The following RASGRP3 variants were observed in gnomAD, a reference collection of about 807,000 sequenced individuals.
The protein encoded by RASGRP3 is RAS guanyl releasing protein 3.
A neutral mutation model predicts 82.7 loss-of-function variants in RASGRP3; 54 were observed. That is an observed-to-expected ratio of 0.65 (90% confidence interval 0.52 to 0.82). RASGRP3 has a LOEUF of 0.82. Among genes scored for constraint, RASGRP3 ranks in the 40% least tolerant of loss-of-function variants. The pLI is 0.00. For synonymous variants in RASGRP3, 309 were observed against 300.5 expected (o/e 1.03, Z -0.29); for missense variants, 861 against 828.9 (o/e 1.04, Z -0.48).
At chr2:33,545,709 TG>T (rs1674665562) in intron 13 of RASGRP3, among the ~76,000 whole-genome samples, 2 of 152,280 alleles carry the variant, frequency 1.3e-5, no homozygotes, top group Admixed American at 1.3e-4. Context: ...AATAAGCATA[TG>T]AAAAAAAGCT....
At chr2:33,519,778 C>A (rs1671840135) in intron 4 of RASGRP3, among the ~76,000 whole-genome samples, 174 bp from the exon 5 acceptor site, 1 of 152,112 alleles carries the variant, frequency 6.6e-6, no homozygotes, top group Non-Finnish European at 1.5e-5. Flanking sequence ...TATAATAAAT[C>A]AAGTTTCAAT....
intron 2 of RASGRP3, among the ~76,000 whole-genome samples, chr2:33,470,628 C>T (rs1667002733): frequency 6.6e-6 from 1 of 152,132 alleles, no homozygotes; most frequent in Non-Finnish European, 1.5e-5. Context: ...ATCCACCCTC[C>T]TCGGCCTCCC....
chr2:33,559,664 T>C (rs1164218078), intron 17 of RASGRP3: 2 of 517,534 alleles, frequency 3.9e-6, no homozygotes, highest in South Asian at 1.4e-5. Flanking sequence ...TAACAGTCTA[T>C]AGTGTATTAA....
intron 2 of RASGRP3, among the ~76,000 whole-genome samples, chr2:33,463,743 G>A (rs1666513061): frequency 6.6e-6 from 1 of 151,922 alleles, no homozygotes; most frequent in African/African-American, 2.4e-5. Flanking sequence ...GGGATTACAG[G>A]TGCCTGCCGC....
At position 33,516,521 on chromosome 2, in the gene RASGRP3, CTT is replaced by C; in HGVS notation, c.71-20_71-19del. ...GAATAGCACTATTATCTCCTCACTT[CTT>C]GTTTTATTTTTCTAACAGATGACAA... is the stretch of plus-strand genomic sequence containing the variant. On this transcript the variant is annotated intron_variant, in intron 3 of 17. Transcript: ENST00000403687. The C allele has an allele frequency of 6.8e-7, 1 of 1,473,304 alleles. No individual in the cohort carries two copies. The highest frequency in any genetic ancestry group is 9.4e-7 in the Non-Finnish European group (1 of 1,068,106). The allele number at this position is 1,473,304 out of a possible 1,614,324, so 91.3% of individuals were successfully genotyped here.
At chr2:33,487,416 G>T (rs1219718217) in intron 1 of RASGRP3, among the ~76,000 whole-genome samples, 4 of 152,208 alleles carry the variant, frequency 2.6e-5, no homozygotes, top group Non-Finnish European at 4.4e-5. Context: ...TGTTTAAAAG[G>T]TAAAGTTGAT....
intron 1 of RASGRP3, among the ~76,000 whole-genome samples, chr2:33,491,210 G>C (rs935996738): frequency 2.0e-5 from 3 of 152,098 alleles, no homozygotes; most frequent in African/African-American, 7.2e-5. Flanking sequence ...CAGCTATTTG[G>C]GGGGCTGAGG....
At position 33,564,301 on chromosome 2, in the gene RASGRP3, T is replaced by A. The variant is rs1034879192; in HGVS notation, c.*1564T>A. On this transcript the variant is annotated 3_prime_UTR_variant, in exon 18 of 18. Transcript: ENST00000403687. ...TAAAACCAACTTGTGCCAACCAGATTTACAGATTGGAAATACTGCAGATGA... is the reference window on the plus strand; with the variant it reads ...TAAAACCAACTTGTGCCAACCAGATATACAGATTGGAAATACTGCAGATGA... The A allele has an allele frequency of 2.6e-5, 4 of 152,140 alleles. No homozygotes were observed. Among genetic ancestry groups the A allele is most frequent in the Non-Finnish European group, 4.4e-5 (3 of 68,026 alleles). The allele number at this position is 152,140 out of a possible 1,614,324, so 9.4% of individuals were successfully genotyped here.
At chr2:33,443,662 C>G (rs1371670097) in intron 1 of RASGRP3, among the ~76,000 whole-genome samples, 1 of 146,250 alleles carries the variant, frequency 6.8e-6, no homozygotes, top group Non-Finnish European at 1.5e-5. Context: ...TGGAAGATCA[C>G]TTGAACCCAG....
At chr2:33,496,569 G>T (rs1669331245) in intron 1 of RASGRP3, among the ~76,000 whole-genome samples, 2 of 152,150 alleles carry the variant, frequency 1.3e-5, no homozygotes, top group South Asian at 4.1e-4. Context: ...AAAAATAAAT[G>T]TTTGGGCTGG....
chr2:33,462,707 G>A (rs191941966), intron 2 of RASGRP3, among the ~76,000 whole-genome samples: 1 of 152,276 alleles, frequency 6.6e-6, no homozygotes, highest in East Asian at 1.9e-4. Context: ...CACTTTTCCT[G>A]TGATTCTCAC....
intron 1 of RASGRP3, among the ~76,000 whole-genome samples, chr2:33,439,441 G>A (rs1665104185): frequency 6.6e-6 from 1 of 152,152 alleles, no homozygotes; most frequent in Admixed American, 6.6e-5. Flanking sequence ...GCAGAGACAG[G>A]AATGGCCTTC....
intron 2 of RASGRP3, among the ~76,000 whole-genome samples, chr2:33,512,847 C>A (rs1671064418): frequency 6.6e-6 from 1 of 152,074 alleles, no homozygotes; most frequent in Admixed American, 6.6e-5. Flanking sequence ...ACACAAAAAT[C>A]CCTACAATCT....
At chr2:33,442,247 CCA>C (rs1343746853) in intron 1 of RASGRP3, among the ~76,000 whole-genome samples, 1 of 152,190 alleles carries the variant, frequency 6.6e-6, no homozygotes, top group Non-Finnish European at 1.5e-5. Context: ...GCCTGTAGTC[CCA>C]GCTACTCAGG....
chr2:33,483,347 T>C (rs1378725), intron 1 of RASGRP3, among the ~76,000 whole-genome samples: 22,223 of 152,156 alleles, frequency 0.15, 1,881 homozygotes, highest in African/African-American at 0.23. Context: ...GTTGATTTGC[T>C]AAAGTATTAT....
In RASGRP3 at chr2:33,488,242, T is replaced by A. The variant is rs116466075; in HGVS notation, c.-261+11535T>A. Among the ~76,000 whole-genome samples the A allele has an allele frequency of 1.8e-3, 281 of 152,290 alleles. 2 individuals carry two copies. The highest frequency in any genetic ancestry group is 6.4e-3 in the African/African-American group (267 of 41,572). On this transcript the variant is annotated intron_variant, in intron 1 of 17. Coordinates refer to ENST00000403687, the MANE Select transcript of RASGRP3 (RefSeq NM_001139488.2). ...TCCTGGCAAAGCACGTTTCTCTCAA[T>A]AAGTGTTAATTGAATTTGAATGTAA...
At chr2:33,489,008 G>C (rs2150955095) in intron 1 of RASGRP3, among the ~76,000 whole-genome samples, 1 of 151,866 alleles carries the variant, frequency 6.6e-6, no homozygotes, top group African/African-American at 2.4e-5. Context: ...CTATATCAGT[G>C]GTTCTCAACT....
intron 1 of RASGRP3, among the ~76,000 whole-genome samples, chr2:33,498,170 C>T (rs1279034987): frequency 6.6e-6 from 1 of 152,186 alleles, no homozygotes; most frequent in Non-Finnish European, 1.5e-5. Context: ...AAAATAATAA[C>T]AGCAGCTAAC....
At chr2:33,521,726 A>G (rs1320053566) in intron 6 of RASGRP3, among the ~76,000 whole-genome samples, 1 of 152,228 alleles carries the variant, frequency 6.6e-6, no homozygotes, top group African/African-American at 2.4e-5. Flanking sequence ...ACTAAGTAAG[A>G]AATTCTGGAT....
Sources: allele counts gnomAD v4.1 joint callset (sites outside exome capture counted in the v4.1 genomes callset), GRCh38; gene constraint gnomAD v4.1.1; transcripts MANE v1.5; gene names NCBI Gene and HGNC (gene_info 2026-07-23, HGNC 2026-07-21).